The following OSBP2 variants were observed in gnomAD, a reference collection of about 807,000 sequenced individuals.
OSBP2 encodes the protein oxysterol binding protein 2, also known as oxysterol-binding protein 2.
In OSBP2, 66 loss-of-function variants were observed where a neutral mutation model predicts 96.0. The ratio of observed to expected loss-of-function variants is 0.69; its 90% CI spans 0.56 to 0.84. OSBP2 has a LOEUF of 0.84. Among genes scored for constraint, OSBP2 ranks in the 40% least tolerant of loss-of-function variants. OSBP2 has a pLI of 0.00. For synonymous variants in OSBP2, 525 were observed against 520.9 expected (o/e 1.01, Z -0.11); for missense variants, 1,038 against 1,222.7 (o/e 0.85, Z 2.25).
chr22:30,882,010 A>G (rs1198792591), intron 3 of OSBP2, among the ~76,000 whole-genome samples: 1 of 152,094 alleles, frequency 6.6e-6, no homozygotes, highest in Non-Finnish European at 1.5e-5. Context: ...ATGTACCCAA[A>G]TGAGGCCCAG....
intron 2 of OSBP2, among the ~76,000 whole-genome samples, chr22:30,862,766 G>A (rs1049230025): frequency 5.3e-5 from 8 of 151,848 alleles, no homozygotes; most frequent in Admixed American, 2.6e-4. Context: ...AAGGTCAGGC[G>A]TTCCTGACCA....
chr22:30,857,884 G>A lies in OSBP2; in HGVS notation c.854-12545G>A, dbSNP rs117620222. On this transcript the variant is annotated intron_variant, in intron 2 of 13. Transcript: ENST00000332585. ...AAGAGGTTTCCCCTCAGCAGGCACT[G>A]TGGGTCTCTTCCGTGCTCTCTGCAG... Among the ~76,000 whole-genome samples, 82 of 152,354 alleles carry A rather than the reference G, an allele frequency of 5.4e-4. No individual in the cohort carries two copies. The East Asian group carries it at 8.3e-3, about 15-fold the overall frequency.
chr22:30,769,350 A>G (rs2090318782), intron 2 of OSBP2, among the ~76,000 whole-genome samples: 1 of 152,294 alleles, frequency 6.6e-6, no homozygotes, highest in Middle Eastern at 3.4e-3. Context: ...AACAACAACA[A>G]TAATACTTTT....
At chr22:30,705,242 G>C (rs2145675153) in intron 1 of OSBP2, among the ~76,000 whole-genome samples, 1 of 152,104 alleles carries the variant, frequency 6.6e-6, no homozygotes, top group East Asian at 1.9e-4. Context: ...CAAGTGACTG[G>C]GGTACACTTG....
chr22:30,852,573 C>A (rs746466690), intron 2 of OSBP2, among the ~76,000 whole-genome samples: 8 of 151,364 alleles, frequency 5.3e-5, no homozygotes, highest in Non-Finnish European at 8.8e-5. Flanking sequence ...TTTTATTGAT[C>A]TTTTCAAAGA....
chr22:30,811,547 ATTTG>A (rs1257822982), intron 2 of OSBP2, among the ~76,000 whole-genome samples: 4 of 149,724 alleles, frequency 2.7e-5, no homozygotes, highest in South Asian at 2.1e-4. Context: ...ATATTTATTT[ATTTG>A]TTTGTTTATT....
chr22:30,792,294 C>T (rs1358438911), intron 2 of OSBP2, among the ~76,000 whole-genome samples: 1 of 150,518 alleles, frequency 6.6e-6, no homozygotes, highest in South Asian at 2.1e-4. Context: ...GCCTGGGCGA[C>T]AGAGCGAGAC....
intron 2 of OSBP2, among the ~76,000 whole-genome samples, chr22:30,756,988 C>A (rs896401053): frequency 6.6e-6 from 1 of 151,860 alleles, no homozygotes; most frequent in African/African-American, 2.4e-5. Context: ...TGTGGTGACC[C>A]CTTCCAACCA....
Position 30,891,085 on chromosome 22 carries a change from C to G in OSBP2, c.1869+112C>G. ...CAGCGTCTGTCTGACCCTGACTGCC[C>G]ATACCCAAGGGGCCATCAAGCTGAG... On this transcript the variant is annotated intron_variant, in intron 8 of 13. Transcript: ENST00000332585. 5 of 1,335,472 alleles carry G rather than the reference C, an allele frequency of 3.7e-6. No homozygotes were observed. The South Asian group carries it at 6.8e-5, about 18-fold the overall frequency. The allele number at this position is 1,335,472 out of a possible 1,614,324, so 82.7% of individuals were successfully genotyped here. A position where few individuals can be genotyped will look rare whatever the true frequency, so the allele number is the denominator to read the frequency against.
At chr22:30,701,039 G>A (rs1304934031) in intron 1 of OSBP2, among the ~76,000 whole-genome samples, 1 of 151,544 alleles carries the variant, frequency 6.6e-6, no homozygotes, top group African/African-American at 2.4e-5. Context: ...AGGTTGCAGT[G>A]AGCCGAGATT....
intron 12 of OSBP2, 161 bp downstream of exon 12, chr22:30,894,162 G>A (rs890288999): frequency 7.2e-5 from 45 of 621,226 alleles, no homozygotes; most frequent in African/African-American, 4.8e-4. Context: ...GGCAGACACC[G>A]AACAGTAAAT....
rs9619138 is a variant in OSBP2 at position 30,827,832 on chromosome 22, G to A, written c.854-42597G>A. Among the ~76,000 whole-genome samples the A allele has an allele frequency of 9.6e-3, 1,469 of 152,342 alleles. 18 individuals are homozygous for A. The highest frequency in any genetic ancestry group is 0.031 in the African/African-American group (1,268 of 41,572). On this transcript the variant is annotated intron_variant, in intron 2 of 13. Transcript: ENST00000332585. ...GGAAGCCCGTGGCCCACGGAAGGGT[G>A]CTTAATCAATGGTAGCAAGGAAGAT... is the stretch of plus-strand genomic sequence containing the variant.
At chr22:30,853,690 T>C (rs1455947631) in intron 2 of OSBP2, among the ~76,000 whole-genome samples, 4 of 152,164 alleles carry the variant, frequency 2.6e-5, no homozygotes, top group Non-Finnish European at 2.9e-5. Context: ...CTTTTCACTT[T>C]TTTCCTCCAT....
chr22:30,815,901 G>A (rs2091077892), intron 2 of OSBP2, among the ~76,000 whole-genome samples: 1 of 152,140 alleles, frequency 6.6e-6, no homozygotes, highest in South Asian at 2.1e-4. Flanking sequence ...TAATGATGCA[G>A]TAAATATCTT....
chr22:30,713,120 C>G (rs2089383432), intron 1 of OSBP2, among the ~76,000 whole-genome samples: 1 of 151,318 alleles, frequency 6.6e-6, no homozygotes, highest in African/African-American at 2.4e-5. Flanking sequence ...ACTCTGTCGC[C>G]CAGGCTGGAG....
chr22:30,747,333 G>T (rs1288583242), intron 2 of OSBP2, among the ~76,000 whole-genome samples: 1 of 152,016 alleles, frequency 6.6e-6, no homozygotes, highest in Non-Finnish European at 1.5e-5. Flanking sequence ...ACTTTAAAAT[G>T]GGCCAGACAT....
In OSBP2 at chr22:30,826,717, C is replaced by T. The variant is rs145223227; in HGVS notation, c.854-43712C>T. On this transcript the variant is annotated intron_variant, in intron 2 of 13. Coordinates refer to ENST00000332585, the MANE Select transcript of OSBP2 (RefSeq NM_030758.4). ...ACTGGTGTTTGGAACCGGCCCACCG[C>T]CTGGAAGTGAACAATGGGAAGGGCC... 4.6e-5 allele frequency among the ~76,000 whole-genome samples: 7 copies of T among 152,328 alleles called. No individual in the cohort carries two copies. The East Asian group carries it at 1.4e-3, about 29-fold the overall frequency.
intron 3 of OSBP2, among the ~76,000 whole-genome samples, chr22:30,880,440 T>C (rs2039678401): frequency 1.3e-5 from 2 of 152,188 alleles, no homozygotes; most frequent in Admixed American, 1.3e-4. Context: ...TGTGTGCTAA[T>C]GGCTGGAGCC....
intron 2 of OSBP2, among the ~76,000 whole-genome samples, chr22:30,762,349 A>AC (rs1428733578): frequency 6.6e-6 from 1 of 152,100 alleles, no homozygotes; most frequent in Admixed American, 6.5e-5. Context: ...GGAGATCGAG[A>AC]CATCCTGGCT....
Sources: gnomAD v4.1 joint callset for allele counts (sites outside exome capture counted in the v4.1 genomes callset) on GRCh38, gnomAD v4.1.1 for gene constraint, MANE v1.5 for transcripts, NCBI Gene and HGNC (gene_info 2026-07-23, HGNC 2026-07-21) for gene names.